SMARCA5: variants seen among roughly 807,000 people sequenced by gnomAD.
The protein encoded by SMARCA5 is SWI/SNF-related matrix-associated actin-dependent regulator of chromatin subfamily A member 5.
Under a neutral mutation model 140.4 loss-of-function variants are expected in SMARCA5, and 18 were observed. That is an observed-to-expected ratio of 0.13 (90% confidence interval 0.09 to 0.19). The LOEUF (loss-of-function observed/expected upper bound fraction) is 0.19. Among genes scored for constraint, SMARCA5 ranks in the 10% least tolerant of loss-of-function variants. SMARCA5 has a pLI of 1.00. For synonymous variants in SMARCA5, 449 were observed against 419.6 expected (o/e 1.07, Z -0.86); for missense variants, 606 against 1,276.8 (o/e 0.47, Z 8.01).
intron 9 of SMARCA5, among the ~76,000 whole-genome samples, chr4:143,533,276 G>A (rs989590261): frequency 6.6e-6 from 1 of 152,048 alleles, no homozygotes; most frequent in South Asian, 2.1e-4. Context: ...GCTTACCCTT[G>A]GGAAGGAAAA....
At position 143,517,358 on chromosome 4, in the gene SMARCA5, A is replaced by G. The variant is rs1206455896; in HGVS notation, c.181A>G (p.Ile61Val). The G allele has an allele frequency of 1.3e-5, 21 of 1,604,046 alleles. No individual in the cohort carries two copies. Among genetic ancestry groups the G allele is most frequent in the Non-Finnish European group, 1.8e-5 (21 of 1,174,820 alleles). The change falls in exon 2 of 24, where the codon ATA becomes GTA. Residue 61 changes from isoleucine to valine, a missense_variant. Ile to Val is a conservative substitution (Grantham distance 29). Around this residue, in one of 10 missense-constraint regions of SMARCA5, gnomAD observed 164 missense variants for 128.4 expected, o/e 1.28. Transcript: ENST00000283131. ...AGPADAEMEE[I>V]FDDASPGKQK... ...TTTAATTATTTCTTTCTACCAGGAA[A>G]TATTTGATGATGCGTCACCTGGAAA...
At chr4:143,539,015 G>T in intron 13 of SMARCA5, 77 bp downstream of exon 13, 1 of 1,265,494 alleles carries the variant, frequency 7.9e-7, no homozygotes, top group Non-Finnish European at 1.1e-6. Flanking sequence ...ACAAATATCA[G>T]TGACTTAACC....
At position 143,517,950 on chromosome 4, in the gene SMARCA5, G is replaced by A. The variant is rs144333378; in HGVS notation, c.252+521G>A. Among the ~76,000 whole-genome samples, 522 of 152,212 alleles carry A rather than the reference G, an allele frequency of 3.4e-3. 5 individuals are homozygous for A. The highest frequency in any genetic ancestry group is 0.011 in the African/African-American group (473 of 41,530). ...CTTATGTGTCTATGTAAGCCAAATGGAAGTATTATATGAATTAACATAATA... is the reference window on the plus strand; with the variant it reads ...CTTATGTGTCTATGTAAGCCAAATGAAAGTATTATATGAATTAACATAATA... On this transcript the variant is annotated intron_variant, in intron 2 of 23. Coordinates refer to ENST00000283131, the MANE Select transcript of SMARCA5 (RefSeq NM_003601.4).
chr4:143,517,293 T>G, intron 1 of SMARCA5, 62 bp from the exon 2 acceptor site: 2 of 1,221,400 alleles, frequency 1.6e-6, no homozygotes, highest in Admixed American at 2.3e-5. Context: ...CAGAAATTGG[T>G]CTATAATGGT....
At chr4:143,552,779 A>G (rs1737669335) in intron 23 of SMARCA5, among the ~76,000 whole-genome samples, 1 of 152,012 alleles carries the variant, frequency 6.6e-6, no homozygotes, top group African/African-American at 2.4e-5. Context: ...ATCTCTGGAT[A>G]ATATTTGGTA....
chr4:143,514,583 C>G (rs1265365938), intron 1 of SMARCA5: 2 of 155,748 alleles, frequency 1.3e-5, no homozygotes, highest in East Asian at 1.9e-4. Flanking sequence ...TTTTCTTCTT[C>G]CCGGTCCTTG....
In SMARCA5 at chr4:143,554,558, T is replaced by C. The variant is rs1321759780; in HGVS notation, c.*1374T>C. On this transcript the variant is annotated 3_prime_UTR_variant, in exon 24 of 24. Transcript: ENST00000283131. ...TACCTGCAGTATTACTAATACTGCT[T>C]AATTTCTTGAAATGTGGAATTGCTG... 3 of 152,700 alleles carry C rather than the reference T, an allele frequency of 2.0e-5. No homozygotes were observed. In the East Asian group the frequency reaches 5.8e-4, roughly 29 times the overall value. The allele number at this position is 152,700 out of a possible 1,614,324, so 9.5% of individuals were successfully genotyped here. A position where few individuals can be genotyped will look rare whatever the true frequency, so the allele number is the denominator to read the frequency against.
intron 2 of SMARCA5, 59 bp downstream of exon 2, chr4:143,517,488 T>C: frequency 1.0e-6 from 1 of 995,114 alleles, no homozygotes; most frequent in Non-Finnish European, 1.5e-6. Context: ...GGTGATTAAA[T>C]GTACTAAACA....
intron 2 of SMARCA5, among the ~76,000 whole-genome samples, chr4:143,519,520 T>A (rs1017794781): frequency 6.6e-6 from 1 of 152,118 alleles, no homozygotes; most frequent in Non-Finnish European, 1.5e-5. Flanking sequence ...TCTACAATGC[T>A]TTTCATTTTC....
chr4:143,514,213 T>A, intron 1 of SMARCA5, 112 bp downstream of exon 1: 1 of 959,392 alleles, frequency 1.0e-6, no homozygotes, highest in Non-Finnish European at 1.5e-6. Flanking sequence ...TGCACCAGAC[T>A]CAGCTTCACA....
intron 3 of SMARCA5, among the ~76,000 whole-genome samples, chr4:143,523,451 T>C (rs1035159057): frequency 6.6e-6 from 1 of 152,206 alleles, no homozygotes; most frequent in Non-Finnish European, 1.5e-5. Flanking sequence ...TAAAGGATAT[T>C]TTATAAAAAG....
Position 143,536,494 on chromosome 4 carries a change from A to C in SMARCA5, c.1311A>C (p.Ser437=). Residue 437 remains serine, a synonymous_variant, in exon 11 of 24, where the codon TCA becomes TCC. Coordinates refer to ENST00000283131, the MANE Select transcript of SMARCA5 (RefSeq NM_003601.4). ...ILMKDIDILN[S]AGKMDKMRLL... ...TGAAGGATATAGATATACTCAACTC[A>C]GCAGGCAAGATGGACAAAATGAGGT... The C allele has an allele frequency of 6.2e-7, 1 of 1,613,836 alleles. No homozygotes were observed. The highest frequency in any genetic ancestry group is 1.1e-5 in the South Asian group (1 of 91,076).
intron 22 of SMARCA5, 42 bp downstream of exon 22, chr4:143,548,182 G>C: frequency 8.6e-7 from 1 of 1,159,496 alleles, no homozygotes; most frequent in Non-Finnish European, 1.2e-6. Context: ...GCAGAGTTCA[G>C]AGTAAGTGTC....
intron 9 of SMARCA5, among the ~76,000 whole-genome samples, chr4:143,532,229 A>G (rs926807003): frequency 1.3e-5 from 2 of 152,210 alleles, no homozygotes; most frequent in Non-Finnish European, 2.9e-5. Context: ...TTCAGATGGC[A>G]TTCATGCATC....
Position 143,555,299 on chromosome 4 carries a change from T to C in SMARCA5, c.*2115T>C. 2 of 773,914 alleles carry C rather than the reference T, an allele frequency of 2.6e-6. No homozygotes were observed. The highest frequency in any genetic ancestry group is 4.6e-6 in the Non-Finnish European group (2 of 435,066). 47.9% of individuals were successfully genotyped at this position (773,914 alleles called of 1,614,324 possible). ...GTCATTGCCAAAATCATTGTAGCTT[T>C]TACCACCTCCAAAATTGCTTCAATC... is the stretch of plus-strand genomic sequence containing the variant. On this transcript the variant is annotated 3_prime_UTR_variant, in exon 24 of 24. Transcript: ENST00000283131.
rs1038781629 is a variant in SMARCA5, at chr4:143,526,519, G to C, written c.801+59G>C. On this transcript the variant is annotated intron_variant, in intron 6 of 23. Coordinates refer to ENST00000283131, the MANE Select transcript of SMARCA5 (RefSeq NM_003601.4). Reference sequence around the variant, plus strand: ...CTAAAATAATTTGAATTCAGGCTTGGGTATGGGTATAGCTGGAAGAAGGAT... The same window carrying C: ...CTAAAATAATTTGAATTCAGGCTTGCGTATGGGTATAGCTGGAAGAAGGAT... 4.6e-5 allele frequency: 51 copies of C among 1,108,670 alleles called. No individual in the cohort carries two copies. In the African/African-American group the frequency reaches 7.8e-4, roughly 17 times the overall value. The allele number at this position is 1,108,670 out of a possible 1,614,324, so 68.7% of individuals were successfully genotyped here. A position where few individuals can be genotyped will look rare whatever the true frequency, so the allele number is the denominator to read the frequency against.
rs760919439 is a variant in SMARCA5, at chr4:143,543,913, A to G, written c.2113A>G (p.Met705Val). ...MGESSLRNFTMDTESSVYNFE... is the reference protein window; with the variant it reads ...MGESSLRNFTVDTESSVYNFE... Reference sequence around the variant, plus strand: ...CGAAAGTTCACTTAGAAACTTTACAATGGATACAGAGTCAAGTGTTTATAA... The same window carrying G: ...CGAAAGTTCACTTAGAAACTTTACAGTGGATACAGAGTCAAGTGTTTATAA... Residue 705 changes from methionine (M) to valine (V), a missense_variant, in exon 16 of 24, where the codon ATG (methionine) becomes GTG (valine). Met to Val is a conservative substitution (Grantham distance 21, BLOSUM62 1). Around this residue, in one of 10 missense-constraint regions of SMARCA5, gnomAD observed 62 missense variants for 256.6 expected, o/e 0.24. Transcript: ENST00000283131. 7 of 1,607,404 alleles carry G rather than the reference A, an allele frequency of 4.4e-6. No individual in the cohort carries two copies. Among genetic ancestry groups the G allele is most frequent in the Middle Eastern group, 1.7e-4 (1 of 5,958 alleles).
chr4:143,521,631 C>G, intron 3 of SMARCA5, 36 bp downstream of exon 3: 6 of 1,537,598 alleles, frequency 3.9e-6, no homozygotes, highest in Non-Finnish European at 5.3e-6. Context: ...TTCAACCAAA[C>G]TTATTTTCGA....
In SMARCA5 at chr4:143,537,268, C is replaced by T. The variant is rs192464654; in HGVS notation, c.1495+590C>T. Among the ~76,000 whole-genome samples, 35 of 152,244 alleles carry T rather than the reference C, an allele frequency of 2.3e-4. 1 individual carries two copies. Among genetic ancestry groups the T allele is most frequent in the Admixed American group, 2.0e-3 (30 of 15,290 alleles). On this transcript the variant is annotated intron_variant, in intron 11 of 23. Coordinates refer to ENST00000283131, the MANE Select transcript of SMARCA5 (RefSeq NM_003601.4). ...ATACCCTTCCTCCTCCCAGATTATT[C>T]GAAGCAAACGCCAGACACTATAGCC...
Sources: allele counts gnomAD v4.1 joint callset (sites outside exome capture counted in the v4.1 genomes callset), GRCh38; gene constraint gnomAD v4.1.1; regional missense constraint gnomAD v4.1.1; transcripts MANE v1.5; gene names NCBI Gene and HGNC (gene_info 2026-07-23, HGNC 2026-07-21).